Variants in TRIM67 observed in about 807,000 individuals in gnomAD.
The protein encoded by TRIM67 is tripartite motif-containing protein 67.
Under a neutral mutation model 71.0 loss-of-function variants are expected in TRIM67, and 39 were observed. The ratio of observed to expected loss-of-function variants is 0.55; its 90% CI spans 0.43 to 0.72. TRIM67 has a LOEUF of 0.72. TRIM67 is among the 30% of genes least tolerant of loss of function. The pLI, the probability that TRIM67 is intolerant of heterozygous loss-of-function variation, is 0.00. For missense variants in TRIM67, 973 were observed against 1,079.2 expected (o/e 0.90, Z 1.38); for synonymous variants, 481 against 473.9 (o/e 1.01, Z -0.19).
intron 1 of TRIM67, 109 bp downstream of exon 1, chr1:231,164,122 C>G: frequency 7.8e-7 from 1 of 1,278,490 alleles, no homozygotes. Flanking sequence ...GAGGGTCAGG[C>G]AGGAATTACC....
chr1:231,209,121 A>G lies in TRIM67; in HGVS notation c.1994A>G (p.Asp665Gly), dbSNP rs749955377. 2 of 1,613,872 alleles carry G rather than the reference A, an allele frequency of 1.2e-6. No individual in the cohort carries two copies. Among genetic ancestry groups the G allele is most frequent in the South Asian group, 2.2e-5 (2 of 91,052 alleles). The change falls in exon 8 of 10, where the codon GAC becomes GGC. Residue 665 changes from aspartate to glycine, a missense_variant. Asp to Gly is a moderately conservative substitution (Grantham distance 94, BLOSUM62 -1). Coordinates refer to ENST00000366653, the MANE Select transcript of TRIM67 (RefSeq NM_001004342.5). The surrounding 1 kb of genome is among the most constrained non-coding windows in gnomAD (Gnocchi z 4.1). ...GTGGACCGGTACGACAACCACCCAG[A>G]CCCCGCCTTCGGGGTGGCCAGGGCC... ...LHVDRYDNHP[D>G]PAFGVARASV... is the part of the protein sequence containing the mutation.
chr1:231,163,265 C>T lies in TRIM67; in HGVS notation c.296C>T (p.Ala99Val), dbSNP rs539985762. 6 of 1,514,324 alleles carry T rather than the reference C, an allele frequency of 4.0e-6. No homozygotes were observed. The African/African-American group carries it at 8.7e-5, about 22-fold the overall frequency. 93.8% of individuals were successfully genotyped at this position (1,514,324 alleles called of 1,614,324 possible). The change falls in exon 1 of 10, where the codon GCG becomes GTG. Residue 99 changes from alanine to valine, a missense_variant. Physicochemically the swap from Ala to Val is moderately conservative, Grantham distance 64 (BLOSUM62 0). Coordinates refer to ENST00000366653, the MANE Select transcript of TRIM67 (RefSeq NM_001004342.5). ...GGGAGGGGDH[A>V]DKLSLYSETD... ...GGTGCGGGAGGTGGCGGAGACCACG[C>T]GGACAAGCTCAGCTTGTACAGCGAG...
rs1050193389 is a variant in TRIM67 at position 231,206,293 on chromosome 1, T to C, written c.1681-359T>C. Among the ~76,000 whole-genome samples the C allele has an allele frequency of 2.2e-4, 33 of 151,074 alleles. No homozygotes were observed. The East Asian group carries it at 5.8e-3, about 27-fold the overall frequency. ...AAAATATATATATATATATATAAAT[T>C]AGCTGGGCATGGTGGTGCATGCTTG... On this transcript the variant is annotated intron_variant, in intron 6 of 9. Transcript: ENST00000366653.
Position 231,209,343 on chromosome 1 carries a change from C to T in TRIM67, c.2123+93C>T. 1.5e-6 allele frequency: 2 copies of T among 1,365,160 alleles called. No individual in the cohort carries two copies. The highest frequency in any genetic ancestry group is 3.0e-5 in the Admixed American group (1 of 33,702). The allele number at this position is 1,365,160 out of a possible 1,614,324, so 84.6% of individuals were successfully genotyped here. ...GTGTCCCTTCTGCTGTCCCCAAAGC[C>T]AGGAGGAATTGAGAGGAGGTATTTT... On this transcript the variant is annotated intron_variant, in intron 8 of 9. Transcript: ENST00000366653. This position sits in a 1 kb window ranked among gnomAD's most constrained non-coding sequence, Gnocchi z 4.1.
intron 1 of TRIM67, chr1:231,185,990 G>T: frequency 9.3e-7 from 1 of 1,071,626 alleles, no homozygotes; most frequent in African/African-American, 1.6e-5. Context: ...AGACGAGAAG[G>T]AGGTGGGTCT....
rs372727307 is a variant in TRIM67, at chr1:231,164,503, G to A, written c.1044+490G>A. On this transcript the variant is annotated intron_variant, in intron 1 of 9. Coordinates refer to ENST00000366653, the MANE Select transcript of TRIM67 (RefSeq NM_001004342.5). Reference sequence around the variant, plus strand: ...GGTCCTTGATCAGACCCCAAGTCAAGACTAGAGTTGGTTTTTCTAACATTC... The same window carrying A: ...GGTCCTTGATCAGACCCCAAGTCAAAACTAGAGTTGGTTTTTCTAACATTC... Among the ~76,000 whole-genome samples the A allele has an allele frequency of 1.9e-4, 29 of 152,320 alleles. No homozygotes were observed. The East Asian group carries it at 3.1e-3, about 16-fold the overall frequency.
rs2102749038 is a variant in TRIM67 at position 231,200,189 on chromosome 1, T to C, written c.1305T>C (p.Arg435=). The stretch of plus-strand genomic sequence containing the variant: ...TCAATCACTGCACATTGAAGCTGCG[T>C]CAGTCCACCGGACTGATGGAGTACT... The part of the protein sequence containing the change: ...DQINHCTLKL[R]QSTGLMEYCL... Residue 435 remains arginine, a synonymous_variant, in exon 4 of 10, where the codon CGT becomes CGC. Transcript: ENST00000366653. The C allele has an allele frequency of 6.2e-7, 1 of 1,613,938 alleles. No individual in the cohort carries two copies. The highest frequency in any genetic ancestry group is 1.3e-5 in the African/African-American group (1 of 75,038).
Position 231,218,740 on chromosome 1 carries a change from G to A in TRIM67, c.*3300G>A, listed in dbSNP as rs373423073. On this transcript the variant is annotated 3_prime_UTR_variant, in exon 10 of 10. Transcript: ENST00000366653. Reference sequence around the variant, plus strand: ...TGATATGTACTTTGTAGTTGCAACAGCGCCCTAGGTGCCCTATGGCCCACC... The same window carrying A: ...TGATATGTACTTTGTAGTTGCAACAACGCCCTAGGTGCCCTATGGCCCACC... The A allele has an allele frequency of 3.0e-6, 3 of 985,402 alleles. No homozygotes were observed. The highest frequency in any genetic ancestry group is 3.5e-5 in the African/African-American group (2 of 57,328). 61.0% of individuals were successfully genotyped at this position (985,402 alleles called of 1,614,324 possible).
intron 1 of TRIM67, among the ~76,000 whole-genome samples, chr1:231,178,451 T>A (rs565182795): frequency 6.6e-6 from 1 of 152,342 alleles, no homozygotes; most frequent in African/African-American, 2.4e-5. Context: ...AGAAAGCCAC[T>A]ATTATCATCA....
rs1342320930 is a variant in TRIM67 at position 231,169,991 on chromosome 1, C to CTTTTTTTTTTTT, written c.1044+5979_1044+5980insTTTTTTTTTTTT. Among the ~76,000 whole-genome samples, 283 of 130,072 alleles carry CTTTTTTTTTTTT rather than the reference C, an allele frequency of 2.2e-3. 2 individuals are homozygous for CTTTTTTTTTTTT. Among genetic ancestry groups the CTTTTTTTTTTTT allele is most frequent in the African/African-American group, 8.2e-3 (209 of 25,548 alleles). 85.3% of individuals were successfully genotyped at this position (130,072 alleles called of 152,430 possible). On this transcript the variant is annotated intron_variant, in intron 1 of 9. Transcript: ENST00000366653. Reference sequence around the variant, plus strand: ...ACCTTTAAAATGTTTTTTTCTTTCTCTCTTTTTTTTTTGAGTTGGAGTTTC... The same window carrying CTTTTTTTTTTTT: ...ACCTTTAAAATGTTTTTTTCTTTCTCTTTTTTTTTTTTTCTTTTTTTTTTGAGTTGGAGTTTC...
intron 6 of TRIM67, among the ~76,000 whole-genome samples, chr1:231,205,722 T>G (rs1271267015): frequency 7.6e-6 from 1 of 132,160 alleles, no homozygotes; most frequent in Non-Finnish European, 1.5e-5. Context: ...TAAGACTCTG[T>G]CTCAAAAAAA....
At chr1:231,202,064 G>GGGGGT (rs1558303891) in intron 5 of TRIM67, among the ~76,000 whole-genome samples, 1 of 151,868 alleles carries the variant, frequency 6.6e-6, no homozygotes, top group African/African-American at 2.4e-5. Flanking sequence ...TGGAGGAGGA[G>GGGGGT]ATGGAGGAGG....
At position 231,213,969 on chromosome 1, in the gene TRIM67, A is replaced by C; in HGVS notation, c.2278A>C (p.Asn760His). The C allele has an allele frequency of 1.9e-6, 3 of 1,610,986 alleles. No individual in the cohort carries two copies. The highest frequency in any genetic ancestry group is 1.7e-6 in the Non-Finnish European group (2 of 1,178,212). ...CATGCCAGCCCTCAGCCTCAACCGC[A>C]ACGTGCAGGTACACACCTCCCCAGG... ...VFMPALSLNRNVQVTLHTGLE... is the reference protein window; with the variant it reads ...VFMPALSLNRHVQVTLHTGLE... The change falls in exon 9 of 10, where the codon AAC becomes CAC. Residue 760 changes from asparagine to histidine, a missense_variant. By Grantham distance (68) the Asn-to-His change is moderately conservative. This residue lies in a region of TRIM67 where 178 missense variants were observed against 247.9 expected (regional missense o/e 0.72). Coordinates refer to ENST00000366653, the MANE Select transcript of TRIM67 (RefSeq NM_001004342.5).
At chr1:231,189,550 A>G (rs1442209782) in intron 1 of TRIM67, among the ~76,000 whole-genome samples, 1 of 152,168 alleles carries the variant, frequency 6.6e-6, no homozygotes, top group Non-Finnish European at 1.5e-5. Flanking sequence ...ACAAAATACC[A>G]TAGACAGGGG....
chr1:231,185,363 G>A, intron 1 of TRIM67: 1 of 831,676 alleles, frequency 1.2e-6, no homozygotes. Flanking sequence ...TTCCTCATCT[G>A]AAGTGGGGAA....
At chr1:231,203,665 A>G (rs1488385329) in intron 5 of TRIM67, among the ~76,000 whole-genome samples, 1 of 152,154 alleles carries the variant, frequency 6.6e-6, no homozygotes, top group East Asian at 1.9e-4. Flanking sequence ...TGAGAAGTGC[A>G]GGTCACCTGT....
At chr1:231,185,294 A>C in intron 1 of TRIM67, 9 of 1,285,850 alleles carry the variant, frequency 7.0e-6, no homozygotes, top group African/African-American at 1.5e-5. Flanking sequence ...ACCCTCCTAC[A>C]CTGGAGGGAT....
chr1:231,217,975 C>T lies in TRIM67; in HGVS notation c.*2535C>T, dbSNP rs368146479. The T allele has an allele frequency of 6.6e-5, 82 of 1,239,752 alleles. 4 individuals carry two copies. The East Asian group carries it at 2.1e-3, about 32-fold the overall frequency. 76.8% of individuals were successfully genotyped at this position (1,239,752 alleles called of 1,614,324 possible). A position where few individuals can be genotyped will look rare whatever the true frequency, so the allele number is the denominator to read the frequency against. On this transcript the variant is annotated 3_prime_UTR_variant, in exon 10 of 10. Coordinates refer to ENST00000366653, the MANE Select transcript of TRIM67 (RefSeq NM_001004342.5). ...GGGGCTGGGATTCTCCCTTTTCTGACTCCTCCAGGAGCCCAGAAGCAATAC... is the reference window on the plus strand; with the variant it reads ...GGGGCTGGGATTCTCCCTTTTCTGATTCCTCCAGGAGCCCAGAAGCAATAC...
Position 231,179,919 on chromosome 1 carries a change from A to T in TRIM67, c.1044+15906A>T, listed in dbSNP as rs1682854610. On this transcript the variant is annotated intron_variant, in intron 1 of 9. Coordinates refer to ENST00000366653, the MANE Select transcript of TRIM67 (RefSeq NM_001004342.5). ...GGGTAGGGTCCTGCAGACTGGGCAAAGAGTAGGAGAAGGGATGGAGGAGAG... is the reference window on the plus strand; with the variant it reads ...GGGTAGGGTCCTGCAGACTGGGCAATGAGTAGGAGAAGGGATGGAGGAGAG... 2.0e-5 allele frequency among the ~76,000 whole-genome samples: 3 copies of T among 152,194 alleles called. No individual in the cohort carries two copies. The South Asian group carries it at 6.2e-4, about 31-fold the overall frequency.
Sources: gnomAD v4.1 joint callset for allele counts (sites outside exome capture counted in the v4.1 genomes callset) on GRCh38, gnomAD v4.1.1 for gene constraint, gnomAD v4.1.1 regional missense constraint, Gnocchi (gnomAD v3.1) non-coding constraint, MANE v1.5 for transcripts, NCBI Gene and HGNC (gene_info 2026-07-23, HGNC 2026-07-21) for gene names.